FRMD4B: variants seen among roughly 807,000 people sequenced by gnomAD.
The protein encoded by FRMD4B is FERM domain-containing protein 4B.
FRMD4B carries 74 observed loss-of-function variants against 141.5 expected under a neutral mutation model. The observed-to-expected ratio is 0.52, with a 90% confidence interval of 0.43 to 0.63. FRMD4B has a LOEUF of 0.63. Among genes scored for constraint, FRMD4B ranks in the 30% least tolerant of loss-of-function variants. The pLI is 0.00. For synonymous variants in FRMD4B, 506 were observed against 467.9 expected, an observed-to-expected ratio of 1.08 and a Z score of -1.05; for missense variants, 1,366 against 1,253.4, an observed-to-expected ratio of 1.09 and a Z score of -1.36.
intron 2 of FRMD4B, among the ~76,000 whole-genome samples, chr3:69,412,972 A>G (rs1704785776): frequency 6.8e-6 from 1 of 147,448 alleles, no homozygotes; most frequent in African/African-American, 2.5e-5. Context: ...ACCTATTATC[A>G]CCGATGGGTC....
intron 2 of FRMD4B, among the ~76,000 whole-genome samples, chr3:69,402,995 AAAC>A (rs1343953050): frequency 6.6e-6 from 1 of 152,204 alleles, no homozygotes; most frequent in Admixed American, 6.5e-5. Context: ...CAGAGAAGAG[AAAC>A]AACATTTTAT....
chr3:69,385,174 G>C (rs892915820), intron 1 of FRMD4B, among the ~76,000 whole-genome samples: 1 of 152,100 alleles, frequency 6.6e-6, no homozygotes, highest in African/African-American at 2.4e-5. Context: ...GGACCGAGCA[G>C]AGAAATAAAG....
chr3:69,274,069 G>C (rs997565572), intron 5 of FRMD4B, among the ~76,000 whole-genome samples: 1 of 152,114 alleles, frequency 6.6e-6, no homozygotes. Context: ...GCTTGAGAAA[G>C]ACTAGGATGC....
intron 5 of FRMD4B, among the ~76,000 whole-genome samples, chr3:69,281,294 G>A (rs1264609574): frequency 2.0e-5 from 3 of 152,118 alleles, no homozygotes; most frequent in Non-Finnish European, 4.4e-5. Flanking sequence ...TGTAATTAGT[G>A]TTGACTATAG....
At chr3:69,443,442 T>C (rs1705368438) in intron 1 of FRMD4B, among the ~76,000 whole-genome samples, 1 of 152,188 alleles carries the variant, frequency 6.6e-6, no homozygotes, top group South Asian at 2.1e-4. Flanking sequence ...GTGAAGTGTT[T>C]CTCTGAGTTC....
intron 16 of FRMD4B, 118 bp downstream of exon 16, chr3:69,194,904 T>TC (rs1250006936): frequency 6.9e-6 from 6 of 869,870 alleles, no homozygotes; most frequent in Non-Finnish European, 1.1e-5. Flanking sequence ...ACACGATCCA[T>TC]CTGTACTGGT....
chr3:69,304,814 G>C (rs1193322928), intron 3 of FRMD4B, among the ~76,000 whole-genome samples: 1 of 152,088 alleles, frequency 6.6e-6, no homozygotes, highest in African/African-American at 2.4e-5. Flanking sequence ...ATGGTGGTGG[G>C]ATAGCGTGTC....
rs138040326 is a variant in FRMD4B at position 69,195,928 on chromosome 3, T to A, written c.1234+327A>T. Among the ~76,000 whole-genome samples the A allele has an allele frequency of 2.0e-3, 303 of 152,282 alleles. 1 individual carries two copies. The highest frequency in any genetic ancestry group is 6.9e-3 in the African/African-American group (287 of 41,546). ...ATCATGTTTGTATAGCATTTTATAT[T>A]GCATGGAGAATTAGACAATTATCTG... On this transcript the variant is annotated intron_variant, in intron 14 of 22. Transcript: ENST00000398540.
At chr3:69,482,633 C>G (rs939378386) in intron 1 of FRMD4B, among the ~76,000 whole-genome samples, 2 of 152,206 alleles carry the variant, frequency 1.3e-5, no homozygotes, top group South Asian at 2.1e-4. Flanking sequence ...TAGAAGCTTA[C>G]TGATGCCAAT....
chr3:69,349,887 G>C (rs956843535), intron 1 of FRMD4B, among the ~76,000 whole-genome samples: 1 of 152,042 alleles, frequency 6.6e-6, no homozygotes. Flanking sequence ...GAAAACCTAG[G>C]CAATACCATT....
At chr3:69,277,516 CTTTTTTTTTTTTTTTT>C (rs55745266) in intron 5 of FRMD4B, among the ~76,000 whole-genome samples, 8 of 60,492 alleles carry the variant, frequency 1.3e-4, no homozygotes, top group African/African-American at 3.6e-4. Flanking sequence ...TTTCTTTCTG[CTTTTTTTTTTTTTTTT>C]TTTTTTTTTT....
At chr3:69,421,199 T>C (rs1704972601) in intron 2 of FRMD4B, among the ~76,000 whole-genome samples, 1 of 152,212 alleles carries the variant, frequency 6.6e-6, no homozygotes. Flanking sequence ...GAGGTGCCAG[T>C]AGTCAGATCT....
chr3:69,179,049 T>C (rs1359968860), intron 21 of FRMD4B, among the ~76,000 whole-genome samples: 1 of 151,776 alleles, frequency 6.6e-6, no homozygotes, highest in Non-Finnish European at 1.5e-5. Flanking sequence ...GCCTGCCTGT[T>C]GTAATACATT....
chr3:69,183,474 A>ATTTTTTTTTTTTTTTTTTT (rs771537044), intron 19 of FRMD4B, among the ~76,000 whole-genome samples: 1 of 113,252 alleles, frequency 8.8e-6, no homozygotes, highest in African/African-American at 3.8e-5. Context: ...TTAGAAGTTA[A>ATTTTTTTTTTTTTTTTTTT]TTTTTTTTTT....
intron 2 of FRMD4B, among the ~76,000 whole-genome samples, chr3:69,398,080 C>G (rs927298645): frequency 6.6e-6 from 1 of 152,044 alleles, no homozygotes; most frequent in African/African-American, 2.4e-5. Flanking sequence ...AAATACTGTA[C>G]ATGAGCTCAG....
intron 1 of FRMD4B, among the ~76,000 whole-genome samples, chr3:69,335,312 C>A (rs962785776): frequency 6.6e-6 from 1 of 151,874 alleles, no homozygotes; most frequent in African/African-American, 2.4e-5. Context: ...TGCAAAGGCC[C>A]TGAGGCAGAA....
At chr3:69,193,231 A>G (rs1454422595) in intron 17 of FRMD4B, among the ~76,000 whole-genome samples, 2 of 152,176 alleles carry the variant, frequency 1.3e-5, no homozygotes, top group African/African-American at 4.8e-5. Flanking sequence ...TTAGTTTGTC[A>G]GGCGCAGTGG....
intron 7 of FRMD4B, among the ~76,000 whole-genome samples, chr3:69,235,879 TAAC>T (rs1324581666): frequency 6.6e-6 from 1 of 152,188 alleles, no homozygotes; most frequent in Admixed American, 6.6e-5. Context: ...ACCTGTGCTT[TAAC>T]AACTTTGCCT....
intron 5 of FRMD4B, among the ~76,000 whole-genome samples, chr3:69,252,759 C>T (rs759273007): frequency 2.0e-5 from 3 of 152,154 alleles, no homozygotes; most frequent in African/African-American, 4.8e-5. Flanking sequence ...ATTGCTTTTA[C>T]TCTCAACCAT....
Sources: allele counts gnomAD v4.1 joint callset (sites outside exome capture counted in the v4.1 genomes callset), GRCh38; gene constraint gnomAD v4.1.1; transcripts MANE v1.5; gene names NCBI Gene and HGNC (gene_info 2026-07-23, HGNC 2026-07-21).